The following GXYLT2 variants were observed in gnomAD, a reference collection of about 807,000 sequenced individuals.
The protein encoded by GXYLT2 is glycosyltransferase 8 domain containing 4.
A neutral mutation model predicts 45.8 loss-of-function variants in GXYLT2; 53 were observed. That is an observed-to-expected ratio of 1.16 (90% confidence interval 0.93 to 1.46). GXYLT2 has a LOEUF of 1.46. Among genes scored for constraint, GXYLT2 ranks in the 40% most tolerant of loss-of-function variants. The pLI, the probability that GXYLT2 is intolerant of heterozygous loss-of-function variation, is 0.00. For synonymous variants in GXYLT2, 219 were observed against 214.2 expected (o/e 1.02, Z -0.19); for missense variants, 551 against 544.4 (o/e 1.01, Z -0.12).
intron 5 of GXYLT2, among the ~76,000 whole-genome samples, chr3:72,961,205 C>T (rs1710761808): frequency 6.6e-6 from 1 of 152,158 alleles, no homozygotes; most frequent in Non-Finnish European, 1.5e-5. Flanking sequence ...ACTGAGTTCA[C>T]ACTCTTAAAG....
intron 5 of GXYLT2, among the ~76,000 whole-genome samples, chr3:72,964,267 C>T (rs1194788851): frequency 1.3e-5 from 2 of 152,146 alleles, no homozygotes; most frequent in Non-Finnish European, 2.9e-5. Flanking sequence ...GAGTGCCCCT[C>T]ACTGGGCTCA....
intron 2 of GXYLT2, among the ~76,000 whole-genome samples, chr3:72,917,713 G>A (rs1709766083): frequency 6.8e-6 from 1 of 147,928 alleles, no homozygotes; most frequent in Non-Finnish European, 1.5e-5. Context: ...AGCCATGATC[G>A]TGCCACTGTA....
intron 6 of GXYLT2, among the ~76,000 whole-genome samples, chr3:72,969,360 T>C: frequency 6.9e-6 from 1 of 145,152 alleles, no homozygotes; most frequent in Admixed American, 7.1e-5. Context: ...ACCACTTCAC[T>C]CCAGCTTGGG....
intron 3 of GXYLT2, among the ~76,000 whole-genome samples, chr3:72,931,599 T>C (rs1400330328): frequency 6.6e-6 from 1 of 151,960 alleles, no homozygotes; most frequent in Non-Finnish European, 1.5e-5. Context: ...ACAATGAAAA[T>C]GAAGATACAA....
At chr3:72,956,880 ACT>A (rs1414975706) in intron 4 of GXYLT2, among the ~76,000 whole-genome samples, 1 of 138,338 alleles carries the variant, frequency 7.2e-6, no homozygotes, top group Non-Finnish European at 1.5e-5. Context: ...ACAGAGCAAG[ACT>A]CTGTCTCAAA....
Position 72,888,419 on chromosome 3 carries a change from G to A in GXYLT2, c.186G>A (p.Gly62=). 9.3e-7 allele frequency: 1 copy of A among 1,070,524 alleles called. No homozygotes were observed. The highest frequency in any genetic ancestry group is 1.1e-6 in the Non-Finnish European group (1 of 887,074). The allele number at this position is 1,070,524 out of a possible 1,614,324, so 66.3% of individuals were successfully genotyped here. The change falls in exon 1 of 7, where the codon GGG becomes GGA. Residue 62 remains glycine (G), a synonymous_variant. Coordinates refer to ENST00000389617, the MANE Select transcript of GXYLT2 (RefSeq NM_001080393.2). ...GGCCGGGGCCGGGCGCCCTCCCCGG[G>A]GCCAGCCCGGGAGTTCGGAGGCGCC... is the stretch of plus-strand genomic sequence containing the variant. The part of the protein sequence containing the change: ...ARWPGPGALP[G]ASPGVRRRRP...
At chr3:72,911,145 A>T (rs1709611055) in intron 2 of GXYLT2, among the ~76,000 whole-genome samples, 1 of 152,138 alleles carries the variant, frequency 6.6e-6, no homozygotes, top group African/African-American at 2.4e-5. Flanking sequence ...TACAAAAATT[A>T]GCTGGGTGTA....
intron 3 of GXYLT2, among the ~76,000 whole-genome samples, chr3:72,924,310 G>A (rs1239027581): frequency 2.0e-5 from 3 of 150,738 alleles, no homozygotes; most frequent in South Asian, 2.1e-4. Flanking sequence ...CCTCCCACCC[G>A]AGCCTCACAA....
intron 2 of GXYLT2, among the ~76,000 whole-genome samples, chr3:72,910,708 A>G (rs1183690807): frequency 3.3e-5 from 5 of 152,210 alleles, no homozygotes; most frequent in African/African-American, 1.2e-4. Context: ...GTGGGATGCC[A>G]TGGCAGGAAA....
At chr3:72,948,699 T>A (rs1262659342) in intron 3 of GXYLT2, among the ~76,000 whole-genome samples, 1 of 151,518 alleles carries the variant, frequency 6.6e-6, no homozygotes, top group Admixed American at 6.6e-5. Context: ...TAGCTGGGCG[T>A]GGTGGTGGGC....
chr3:72,911,041 C>T (rs150478354), intron 2 of GXYLT2, among the ~76,000 whole-genome samples: 217 of 152,222 alleles, frequency 1.4e-3, no homozygotes, highest in African/African-American at 5.1e-3. Flanking sequence ...CCTGTAATCC[C>T]AGCACTTTGC....
Position 72,955,349 on chromosome 3 carries a change from G to A in GXYLT2, c.852G>A (p.Lys284=). The change falls in exon 4 of 7, where the codon AAG becomes AAA. Residue 284 remains lysine, a splice_region_variant and synonymous_variant. Transcript: ENST00000389617. ...CTCGGATAAGAAGTACCCAGTTCAA[G>A]GTAAACGAGTGCTTTAAAATTCCTT... The part of the protein sequence containing the change: ...NLTRIRSTQF[K]NSMIPTGLAW... 5 of 1,612,170 alleles carry A rather than the reference G, an allele frequency of 3.1e-6. No homozygotes were observed. The highest frequency in any genetic ancestry group is 4.2e-6 in the Non-Finnish European group (5 of 1,178,472).
chr3:72,894,903 G>T (rs1004326110), intron 1 of GXYLT2, among the ~76,000 whole-genome samples: 40 of 152,148 alleles, frequency 2.6e-4, no homozygotes, highest in African/African-American at 9.2e-4. Flanking sequence ...TATGTAAGGC[G>T]GTCCTCCTGC....
intron 3 of GXYLT2, among the ~76,000 whole-genome samples, chr3:72,944,171 T>G (rs1370596450): frequency 2.6e-5 from 4 of 151,732 alleles, no homozygotes; most frequent in African/African-American, 9.7e-5. Context: ...CACTGCAGCC[T>G]CAACCTCCTG....
chr3:72,954,989 A>G, intron 3 of GXYLT2, 109 bp from the exon 4 acceptor site: 1 of 1,117,222 alleles, frequency 9.0e-7, no homozygotes, highest in Non-Finnish European at 1.3e-6. Context: ...CGAATCAACA[A>G]AAGTTGGTAG....
chr3:72,930,171 A>G lies in GXYLT2; in HGVS notation c.600+7836A>G, dbSNP rs539951632. 7.3e-3 allele frequency among the ~76,000 whole-genome samples: 637 copies of G among 87,826 alleles called. 3 individuals are homozygous for G. The highest frequency in any genetic ancestry group is 0.014 in the Non-Finnish European group (497 of 34,406). 57.6% of individuals were successfully genotyped at this position (87,826 alleles called of 152,430 possible). On this transcript the variant is annotated intron_variant, in intron 3 of 6. Transcript: ENST00000389617. ...AAAAGGGCGAAACTCCATCTCAAAA[A>G]AACAAAAAAAAAAACAGAGTTGCAG... is the stretch of plus-strand genomic sequence containing the variant.
chr3:72,900,377 C>T (rs1359267526), intron 1 of GXYLT2, among the ~76,000 whole-genome samples: 2 of 152,176 alleles, frequency 1.3e-5, no homozygotes, highest in Non-Finnish European at 2.9e-5. Flanking sequence ...ACTAGGGCAA[C>T]GTTTTACAAA....
At chr3:72,957,624 A>T (rs1710674890) in intron 5 of GXYLT2, among the ~76,000 whole-genome samples, 1 of 152,320 alleles carries the variant, frequency 6.6e-6, no homozygotes, top group African/African-American at 2.4e-5. Context: ...CCATTCTTCT[A>T]AGAAGTGCAG....
chr3:72,908,505 G>T lies in GXYLT2; in HGVS notation c.414G>T (p.Lys138Asn). ...LKSAVLFSHR[K>N]IQFHIFTEDS... ...CAGCTGTGCTTTTTAGCCACAGGAA[G>T]ATCCAATTCCACATCTTCACTGAAG... Residue 138 changes from lysine (K) to asparagine (N), a missense_variant, in exon 2 of 7, where the codon AAG becomes AAT. Coordinates refer to ENST00000389617, the MANE Select transcript of GXYLT2 (RefSeq NM_001080393.2). The T allele has an allele frequency of 6.2e-7, 1 of 1,613,776 alleles. No homozygotes were observed. The highest frequency in any genetic ancestry group is 8.5e-7 in the Non-Finnish European group (1 of 1,179,852).
Sources: allele counts gnomAD v4.1 joint callset (sites outside exome capture counted in the v4.1 genomes callset), GRCh38; gene constraint gnomAD v4.1.1; transcripts MANE v1.5; gene names NCBI Gene and HGNC (gene_info 2026-07-23, HGNC 2026-07-21).